EP300: variants seen among roughly 807,000 people sequenced by gnomAD.
EP300 encodes the protein EP300 lysine acetyltransferase.
In EP300, 31 loss-of-function variants were observed where a neutral mutation model predicts 264.0. The observed-to-expected ratio is 0.12, with a 90% confidence interval of 0.09 to 0.16. The LOEUF (loss-of-function observed/expected upper bound fraction) is 0.16. Ranked by LOEUF, EP300 falls within the 10% of genes least tolerant of loss-of-function variation. EP300 has a pLI of 1.00. For missense variants in EP300, 2,766 were observed against 3,052.9 expected (o/e 0.91, Z 2.21); for synonymous variants, 1,340 against 1,045.4 (o/e 1.28, Z -5.44).
intron 2 of EP300, among the ~76,000 whole-genome samples, chr22:41,124,444 A>T (rs2058869465): frequency 6.6e-6 from 1 of 152,214 alleles, no homozygotes; most frequent in African/African-American, 2.4e-5. Flanking sequence ...TACACAAAAA[A>T]GGACATATTC....
chr22:41,099,490 G>C (rs940925965), intron 1 of EP300, among the ~76,000 whole-genome samples: 9 of 152,176 alleles, frequency 5.9e-5, no homozygotes, highest in African/African-American at 2.2e-4. Flanking sequence ...CAAATTTAAT[G>C]CCTTTTCCAT....
intron 23 of EP300, among the ~76,000 whole-genome samples, 156 bp downstream of exon 23, chr22:41,166,822 T>C (rs1052277587): frequency 1.3e-5 from 2 of 152,172 alleles, no homozygotes; most frequent in African/African-American, 2.4e-5. Context: ...ATATATTTTT[T>C]GGTGTGAAAT....
At position 41,177,601 on chromosome 22, in the gene EP300, C is replaced by A. The variant is rs767256506; in HGVS notation, c.5890C>A (p.Pro1964Thr). 2 of 1,614,034 alleles carry A rather than the reference C, an allele frequency of 1.2e-6. No homozygotes were observed. ...GATGCCCCCGATGACTCCCATGGCCCCCATGGGTATGAACCCACCTCCCAT... is the reference window on the plus strand; with the variant it reads ...GATGCCCCCGATGACTCCCATGGCCACCATGGGTATGAACCCACCTCCCAT... Reference protein sequence around the residue: ...HQMPPMTPMAPMGMNPPPMTR... With the variant: ...HQMPPMTPMATMGMNPPPMTR... The change falls in exon 31 of 31, where the codon CCC becomes ACC. Residue 1964 changes from proline (P) to threonine (T), a missense_variant. Physicochemically the swap from Pro to Thr is conservative, Grantham distance 38. Coordinates refer to ENST00000263253, the MANE Select transcript of EP300 (RefSeq NM_001429.4).
rs2145763481 is a variant in EP300 at position 41,168,770 on chromosome 22, G to T, written c.4075G>T (p.Ala1359Ser). 6.2e-7 allele frequency: 1 copy of T among 1,614,172 alleles called. No individual in the cohort carries two copies. Among genetic ancestry groups the T allele is most frequent in the African/African-American group, 1.3e-5 (1 of 75,034 alleles). ...MAESFPYRTK[A>S]LFAFEEIDGV... is the part of the protein sequence containing the mutation. ...AGAATCCTTTCCATACCGAACCAAA[G>T]CCCTCTTTGCCTTTGAAGAAATTGA... Residue 1359 changes from alanine to serine, a missense_variant, in exon 25 of 31, where the codon GCC (alanine) becomes TCC (serine). Transcript: ENST00000263253.
intron 1 of EP300, among the ~76,000 whole-genome samples, chr22:41,115,678 C>T (rs1219692778): frequency 6.6e-6 from 1 of 152,106 alleles, no homozygotes; most frequent in Non-Finnish European, 1.5e-5. Context: ...TTCTAAAGTA[C>T]TGAGATTACA....
Position 41,135,831 on chromosome 22 carries a change from T to C in EP300, c.1547T>C (p.Val516Ala). The C allele has an allele frequency of 6.2e-7, 1 of 1,613,716 alleles. No individual in the cohort carries two copies. The highest frequency in any genetic ancestry group is 8.5e-7 in the Non-Finnish European group (1 of 1,179,684). The part of the protein sequence containing the change: ...MSNMSASPMG[V>A]NGGVGVQTPS... Reference sequence around the variant, plus strand: ...GACTTAGGTGCTAGTCCTATGGGAGTAAATGGAGGTGTAGGAGTTCAAACG... The same window carrying C: ...GACTTAGGTGCTAGTCCTATGGGAGCAAATGGAGGTGTAGGAGTTCAAACG... Residue 516 changes from valine (V) to alanine (A), a missense_variant, in exon 7 of 31, where the codon GTA becomes GCA. Physicochemically the swap from Val to Ala is moderately conservative, Grantham distance 64. Coordinates refer to ENST00000263253, the MANE Select transcript of EP300 (RefSeq NM_001429.4).
chr22:41,149,636 G>A (rs1016336795), intron 13 of EP300, 125 bp from the exon 14 acceptor site: 1 of 1,026,768 alleles, frequency 9.7e-7, no homozygotes, highest in African/African-American at 1.6e-5. Flanking sequence ...TACACATTTT[G>A]AAATAGACAC....
Position 41,158,432 on chromosome 22 carries a change from A to G in EP300, c.3522A>G (p.Thr1174=), listed in dbSNP as rs756748826. The stretch of plus-strand genomic sequence containing the variant: ...TGCAGTTGGAGTTCTCTCCACAGAC[A>G]CTGTGTTGCTACGGCAAACAGTTGT... ...CGRKLEFSPQ[T]LCCYGKQLCT... The change falls in exon 19 of 31, where the codon ACA becomes ACG. Residue 1174 remains threonine (T), a synonymous_variant. Transcript: ENST00000263253. 1.3e-5 allele frequency: 21 copies of G among 1,614,004 alleles called. No homozygotes were observed. In the African/African-American group the frequency reaches 1.9e-4, roughly 14 times the overall value.
intron 8 of EP300, among the ~76,000 whole-genome samples, chr22:41,138,639 T>C (rs1772811356): frequency 2.0e-5 from 3 of 152,178 alleles, no homozygotes. Context: ...GGGAGGCATA[T>C]AGAGCAAGGT....
rs201341021 is a variant in EP300, at chr22:41,130,003, C to T, written c.1282C>T (p.Pro428Ser). 62 of 1,605,520 alleles carry T rather than the reference C, an allele frequency of 3.9e-5. No homozygotes were observed. The highest frequency in any genetic ancestry group is 4.3e-6 in the Non-Finnish European group (5 of 1,172,586). ...KNAGDKRNQQPILTGAPVGLG... is the reference protein window; with the variant it reads ...KNAGDKRNQQSILTGAPVGLG... ...TGCTGGTGATAAGAGAAATCAACAG[C>T]GTAAGTGATGAAATCTTTTGAAGGT... is the stretch of plus-strand genomic sequence containing the variant. Residue 428 changes from proline to serine, a missense_variant and splice_region_variant, in exon 5 of 31, where the codon CCA becomes TCA. Transcript: ENST00000263253.
In EP300 at chr22:41,177,715, C is replaced by A. The variant is rs1296116927; in HGVS notation, c.6004C>A (p.Gln2002Lys). The A allele has an allele frequency of 6.2e-6, 10 of 1,613,716 alleles. No homozygotes were observed. Among genetic ancestry groups the A allele is most frequent in the African/African-American group, 1.3e-5 (1 of 74,902 alleles). The change falls in exon 31 of 31, where the codon CAG becomes AAG. Residue 2002 changes from glutamine (Q) to lysine (K), a missense_variant. Transcript: ENST00000263253. ...ACCCTGGAGCCAAGGAGGATTGCCTCAGCCCCAGCAACTACAGTCTGGGAT... is the reference window on the plus strand; with the variant it reads ...ACCCTGGAGCCAAGGAGGATTGCCTAAGCCCCAGCAACTACAGTCTGGGAT... ...QPPWSQGGLPQPQQLQSGMPR... is the reference protein window; with the variant it reads ...QPPWSQGGLPKPQQLQSGMPR...
Position 41,112,710 on chromosome 22 carries a change from T to TTTG in EP300, c.95-4475_95-4474insGTT, listed in dbSNP as rs1446090060. The stretch of plus-strand genomic sequence containing the variant: ...TTGGCCATGTGTAATTTTTATATTG[T>TTTG]TTTTTTTTTTTAGAAGTATTTGTGT... On this transcript the variant is annotated intron_variant, in intron 1 of 30. Coordinates refer to ENST00000263253, the MANE Select transcript of EP300 (RefSeq NM_001429.4). Among the ~76,000 whole-genome samples the TTTG allele has an allele frequency of 1.4e-3, 211 of 149,138 alleles. 2 individuals are homozygous for TTTG. The highest frequency in any genetic ancestry group is 3.2e-3 in the African/African-American group (130 of 40,782).
In EP300 at chr22:41,166,661, C is replaced by T. The variant is rs773270724; in HGVS notation, c.3869C>T (p.Ala1290Val). 6.2e-7 allele frequency: 1 copy of T among 1,610,042 alleles called. No individual in the cohort carries two copies. The highest frequency in any genetic ancestry group is 1.1e-5 in the South Asian group (1 of 90,340). The change falls in exon 23 of 31, where the codon GCT becomes GTT. Residue 1290 changes from alanine (A) to valine (V), a missense_variant. Ala to Val is a moderately conservative substitution (Grantham distance 64). Coordinates refer to ENST00000263253, the MANE Select transcript of EP300 (RefSeq NM_001429.4). Reference protein sequence around the residue: ...ARTRKENKFSAKRLPSTRLGT... With the variant: ...ARTRKENKFSVKRLPSTRLGT... ...ACTAGGAAAGAAAATAAGTTTTCTG[C>T]TAAAAGTAAGTTTTATTCTTAAAGG...
At chr22:41,110,765 T>A (rs774531277) in intron 1 of EP300, among the ~76,000 whole-genome samples, 12 of 152,042 alleles carry the variant, frequency 7.9e-5, no homozygotes, top group Non-Finnish European at 1.6e-4. Context: ...TACTTTAGAA[T>A]CATCTTGTCC....
chr22:41,130,795 G>A (rs1247363027), intron 5 of EP300, among the ~76,000 whole-genome samples: 4 of 151,534 alleles, frequency 2.6e-5, no homozygotes, highest in African/African-American at 9.7e-5. Context: ...ATAATATTGG[G>A]ATATAGAAGA....
chr22:41,166,992 A>G (rs1055852852), intron 23 of EP300, among the ~76,000 whole-genome samples: 4 of 151,996 alleles, frequency 2.6e-5, no homozygotes, highest in Admixed American at 6.6e-5. Flanking sequence ...CAGTTTGTTT[A>G]TTTATTATTT....
Position 41,140,127 on chromosome 22 carries a change from T to A in EP300, c.1761-13T>A. On this transcript the variant is annotated splice_polypyrimidine_tract_variant and intron_variant, in intron 8 of 30. Transcript: ENST00000263253. ...TGACATGATATTACAGTGGTAGGAT[T>A]TTCTTTTTCCAGCGTCCAAGCCATA... The A allele has an allele frequency of 1.3e-6, 2 of 1,581,066 alleles. No homozygotes were observed. The highest frequency in any genetic ancestry group is 1.7e-6 in the Non-Finnish European group (2 of 1,149,964).
At chr22:41,108,251 T>C (rs867581268) in intron 1 of EP300, among the ~76,000 whole-genome samples, 1,769 of 144,470 alleles carry the variant, frequency 0.012, 19 homozygotes, top group African/African-American at 0.043. Context: ...TTTCTTTTTT[T>C]TTTTTTTTTT....
chr22:41,146,497 C>G lies in EP300; in HGVS notation c.2054-242C>G, dbSNP rs117804117. The G allele has an allele frequency of 5.2e-4, 266 of 513,290 alleles. 3 individuals are homozygous for G. The East Asian group carries it at 8.2e-3, about 16-fold the overall frequency. 31.8% of individuals were successfully genotyped at this position (513,290 alleles called of 1,614,324 possible). A position where few individuals can be genotyped will look rare whatever the true frequency, so the allele number is the denominator to read the frequency against. On this transcript the variant is annotated intron_variant, in intron 10 of 30. Coordinates refer to ENST00000263253, the MANE Select transcript of EP300 (RefSeq NM_001429.4). ...TGGCTTCAATAGCTTATTTTTCTAT[C>G]AACATTGAAAGCACCCGGGCTCATA...
Sources: gnomAD v4.1 joint callset for allele counts (sites outside exome capture counted in the v4.1 genomes callset) on GRCh38, gnomAD v4.1.1 for gene constraint, MANE v1.5 for transcripts, NCBI Gene and HGNC (gene_info 2026-07-23, HGNC 2026-07-21) for gene names.